FBXL17: variants seen among roughly 807,000 people sequenced by gnomAD.
FBXL17 encodes the protein F-box/LRR-repeat protein 17.
In FBXL17, 22 loss-of-function variants were observed where a neutral mutation model predicts 66.2. The ratio of observed to expected loss-of-function variants is 0.33; its 90% confidence interval spans 0.24 to 0.47. The LOEUF (loss-of-function observed/expected upper bound fraction) is 0.47. Ranked by LOEUF, FBXL17 falls within the 20% of genes least tolerant of loss-of-function variation. The pLI, the probability that FBXL17 is intolerant of heterozygous loss-of-function variation, is 1.00. For missense variants in FBXL17, 878 were observed against 948.2 expected, an observed-to-expected ratio of 0.93 and a Z score of 0.97; for synonymous variants, 474 against 400.5, an observed-to-expected ratio of 1.18 and a Z score of -2.19.
At chr5:107,982,784 T>G (rs1752875678) in intron 7 of FBXL17, among the ~76,000 whole-genome samples, 1 of 152,184 alleles carries the variant, frequency 6.6e-6, no homozygotes, top group South Asian at 2.1e-4. Context: ...ATTAATGCCC[T>G]GTTGTACTTT....
intron 7 of FBXL17, among the ~76,000 whole-genome samples, chr5:107,969,988 T>G (rs2112646867): frequency 6.6e-6 from 1 of 152,310 alleles, no homozygotes; most frequent in Admixed American, 6.5e-5. Flanking sequence ...ATTTGCATAT[T>G]TAGAAATCTA....
At chr5:107,942,150 C>T (rs1401687427) in intron 7 of FBXL17, among the ~76,000 whole-genome samples, 1 of 152,186 alleles carries the variant, frequency 6.6e-6, no homozygotes, top group Non-Finnish European at 1.5e-5. Context: ...ACCAGCACAT[C>T]TACTGAAGCC....
chr5:108,023,949 T>C (rs1416878013), intron 6 of FBXL17, among the ~76,000 whole-genome samples: 1 of 152,216 alleles, frequency 6.6e-6, no homozygotes, highest in Non-Finnish European at 1.5e-5. Flanking sequence ...TTCTTACAGA[T>C]ACTACATAGA....
chr5:108,095,801 T>C (rs1410053051), intron 6 of FBXL17, among the ~76,000 whole-genome samples: 2 of 152,150 alleles, frequency 1.3e-5, no homozygotes, highest in African/African-American at 4.8e-5. Flanking sequence ...ACAAATTCGA[T>C]TGTTTGAAAA....
At chr5:108,345,101 G>A (rs1358015379) in intron 4 of FBXL17, among the ~76,000 whole-genome samples, 12 of 152,186 alleles carry the variant, frequency 7.9e-5, no homozygotes, top group African/African-American at 2.6e-4. Context: ...TTGGGAGGCC[G>A]AGGTGGGCGG....
chr5:108,323,813 G>A (rs958946244), intron 4 of FBXL17, among the ~76,000 whole-genome samples: 5 of 151,956 alleles, frequency 3.3e-5, no homozygotes, highest in African/African-American at 1.2e-4. Flanking sequence ...TCCTACAAGG[G>A]TGCCGGCACT....
chr5:108,051,316 G>A (rs1343727401), intron 6 of FBXL17, among the ~76,000 whole-genome samples: 1 of 152,206 alleles, frequency 6.6e-6, no homozygotes, highest in East Asian at 1.9e-4. Flanking sequence ...TATCCCTGAT[G>A]AACATTGATA....
intron 4 of FBXL17, among the ~76,000 whole-genome samples, chr5:108,341,418 G>T (rs1746873683): frequency 6.6e-6 from 1 of 152,136 alleles, no homozygotes; most frequent in Non-Finnish European, 1.5e-5. Context: ...ACGAATGTAA[G>T]ACAACAGAGA....
At chr5:108,301,955 G>C (rs1758610010) in intron 4 of FBXL17, 1 of 850,352 alleles carries the variant, frequency 1.2e-6, no homozygotes, top group Non-Finnish European at 1.4e-6. Context: ...GCTATAACAG[G>C]ATAACTAATT....
chr5:108,039,026 A>C (rs193138065), intron 6 of FBXL17, among the ~76,000 whole-genome samples: 3 of 152,216 alleles, frequency 2.0e-5, no homozygotes, highest in Admixed American at 2.0e-4. Context: ...TAAAGATACA[A>C]ATGTTTAAAA....
chr5:108,057,441 C>T (rs1021151145), intron 6 of FBXL17, among the ~76,000 whole-genome samples: 1 of 152,134 alleles, frequency 6.6e-6, no homozygotes, highest in Admixed American at 6.5e-5. Context: ...CTCAAAAACA[C>T]ATTTTTCACA....
intron 7 of FBXL17, among the ~76,000 whole-genome samples, chr5:107,944,100 T>A (rs572426852): frequency 2.6e-5 from 4 of 152,232 alleles, no homozygotes; most frequent in African/African-American, 9.6e-5. Flanking sequence ...TCAAATGTCA[T>A]CACCATGTAA....
chr5:108,212,507 G>A (rs1488995687), intron 5 of FBXL17, among the ~76,000 whole-genome samples: 1 of 152,094 alleles, frequency 6.6e-6, no homozygotes, highest in Non-Finnish European at 1.5e-5. Flanking sequence ...ACCTCTGAAT[G>A]GGGTCTTTGA....
chr5:108,065,338 A>C (rs1223495565), intron 6 of FBXL17, among the ~76,000 whole-genome samples: 1 of 152,196 alleles, frequency 6.6e-6, no homozygotes, highest in Non-Finnish European at 1.5e-5. Context: ...AAGCATCCTT[A>C]AATATTATTT....
intron 4 of FBXL17, among the ~76,000 whole-genome samples, chr5:108,333,487 G>A (rs1420595739): frequency 2.0e-5 from 3 of 151,970 alleles, no homozygotes. Flanking sequence ...AGAGTTTTGA[G>A]GACAAAATGA....
Position 108,268,620 on chromosome 5 carries a change from T to C in FBXL17, c.1507-44392A>G, listed in dbSNP as rs188839137. Among the ~76,000 whole-genome samples the C allele has an allele frequency of 5.7e-4, 85 of 149,148 alleles. 1 individual carries two copies. In the East Asian group the frequency reaches 0.015, roughly 27 times the overall value. ...TAAGTATCAAACTAAAAAGGTAGAATTCAAACTGAAAAAAAAATGGCAAGG... is the reference window on the plus strand; with the variant it reads ...TAAGTATCAAACTAAAAAGGTAGAACTCAAACTGAAAAAAAAATGGCAAGG... On this transcript the variant is annotated intron_variant, in intron 4 of 8. Coordinates refer to ENST00000542267, the MANE Select transcript of FBXL17 (RefSeq NM_001163315.3).
At chr5:108,126,631 G>GTCTCTCTCTC (rs140769664) in intron 6 of FBXL17, among the ~76,000 whole-genome samples, 84 of 112,520 alleles carry the variant, frequency 7.5e-4, no homozygotes, top group South Asian at 1.8e-3. Flanking sequence ...CTGTCTCTCT[G>GTCTCTCTCTC]TCTCTCTCTC....
intron 8 of FBXL17, among the ~76,000 whole-genome samples, chr5:107,875,377 C>A (rs1748590019): frequency 6.6e-6 from 1 of 152,148 alleles, no homozygotes; most frequent in South Asian, 2.1e-4. Flanking sequence ...CTTTCCTGCT[C>A]ATGATTCCTA....
intron 4 of FBXL17, among the ~76,000 whole-genome samples, chr5:108,313,079 C>T (rs1759199228): frequency 6.6e-6 from 1 of 152,068 alleles, no homozygotes; most frequent in Non-Finnish European, 1.5e-5. Context: ...TTTATTTCTC[C>T]TTCTAACTTC....
Sources: gnomAD v4.1 joint callset for allele counts (sites outside exome capture counted in the v4.1 genomes callset) on GRCh38, gnomAD v4.1.1 for gene constraint, MANE v1.5 for transcripts, NCBI Gene and HGNC (gene_info 2026-07-23, HGNC 2026-07-21) for gene names.